The following CEP78 variants were observed in gnomAD, a reference collection of about 807,000 sequenced individuals.
CEP78 encodes the protein centrosomal protein of 78 kDa.
A neutral mutation model predicts 81.2 loss-of-function variants in CEP78; 76 were observed. That is an observed-to-expected ratio of 0.94 (90% CI 0.78 to 1.13). The LOEUF is 1.13. Among genes scored for constraint, CEP78 ranks in the 50% most tolerant of loss-of-function variants. The pLI, the probability that CEP78 is intolerant of heterozygous loss-of-function variation, is 0.00. For missense variants in CEP78, 918 were observed against 846.8 expected, an observed-to-expected ratio of 1.08 and a Z score of -1.04; for synonymous variants, 293 against 301.4, an observed-to-expected ratio of 0.97 and a Z score of 0.29.
chr9:78,256,789 A>G (rs553410068), intron 11 of CEP78, among the ~76,000 whole-genome samples: 1 of 152,278 alleles, frequency 6.6e-6, no homozygotes, highest in South Asian at 2.1e-4. Flanking sequence ...AAGAACAAAA[A>G]TACTTTAAGA....
intron 16 of CEP78, among the ~76,000 whole-genome samples, 173 bp from the exon 17 acceptor site, chr9:78,270,668 G>C (rs759163936): frequency 2.6e-5 from 4 of 152,158 alleles, no homozygotes; most frequent in Non-Finnish European, 5.9e-5. Flanking sequence ...CCAATAATGA[G>C]TTCGTCCAAT....
chr9:78,258,005 T>G (rs886333377), intron 11 of CEP78, among the ~76,000 whole-genome samples: 7 of 152,218 alleles, frequency 4.6e-5, no homozygotes, highest in Non-Finnish European at 7.3e-5. Context: ...GCAGTATTAA[T>G]TTAATCGTAG....
rs1254238774 is a variant in CEP78, at chr9:78,274,505, A to C, written c.*3654A>C. 1 of 152,218 alleles carries C rather than the reference A, an allele frequency of 6.6e-6. No individual in the cohort carries two copies. The highest frequency in any genetic ancestry group is 2.4e-5 in the African/African-American group (1 of 41,450). 9.4% of individuals were successfully genotyped at this position (152,218 alleles called of 1,614,324 possible). A position where few individuals can be genotyped will look rare whatever the true frequency, so the allele number is the denominator to read the frequency against. On this transcript the variant is annotated 3_prime_UTR_variant, in exon 17 of 17. Coordinates refer to ENST00000643273, the MANE Select transcript of CEP78 (RefSeq NM_001330691.3). ...TCTATAATAATATTAGAGCTTAAAA[A>C]ATTCATCCCTCTTGCCCATCAGTAG...
chr9:78,276,519 A>G lies in CEP78; in HGVS notation c.*5668A>G, dbSNP rs945045549. On this transcript the variant is annotated 3_prime_UTR_variant, in exon 17 of 17. Coordinates refer to ENST00000643273, the MANE Select transcript of CEP78 (RefSeq NM_001330691.3). ...ATATGGGGTCTTTTTTTTTTTGGAC[A>G]AAAAACCCCCTGTGATGATCTACTG... 1 of 151,604 alleles carries G rather than the reference A, an allele frequency of 6.6e-6. No homozygotes were observed. The highest frequency in any genetic ancestry group is 2.4e-5 in the African/African-American group (1 of 41,306). The allele number at this position is 151,604 out of a possible 1,614,324, so 9.4% of individuals were successfully genotyped here. A position where few individuals can be genotyped will look rare whatever the true frequency, so the allele number is the denominator to read the frequency against.
At chr9:78,267,152 GGTCT>G in intron 16 of CEP78, 2 of 792,096 alleles carry the variant, frequency 2.5e-6, no homozygotes, top group Non-Finnish European at 3.7e-6. Context: ...TGAAATTTTT[GGTCT>G]GTTTTTCCCT....
intron 11 of CEP78, 96 bp from the exon 12 acceptor site, chr9:78,262,811 T>A (rs2118444350): frequency 1.6e-6 from 1 of 629,058 alleles, no homozygotes; most frequent in Non-Finnish European, 2.7e-6. Flanking sequence ...CACTTCTGGC[T>A]CTGTCCCTAA....
At position 78,236,441 on chromosome 9, in the gene CEP78, C is replaced by A; in HGVS notation, c.91C>A (p.Leu31Met). 6.2e-7 allele frequency: 1 copy of A among 1,602,978 alleles called. No homozygotes were observed. The highest frequency in any genetic ancestry group is 8.5e-7 in the Non-Finnish European group (1 of 1,175,048). Residue 31 changes from leucine to methionine, a missense_variant, in exon 1 of 17, where the codon CTG (leucine) becomes ATG (methionine). By Grantham distance (15) the Leu-to-Met change is conservative. Transcript: ENST00000643273. ...GTGCGCGCTGCAGAACTCGGTGCCG[C>A]TGCCCGCCGTGCGCGCCTGTCTCCG... ...YLCALQNSVP[L>M]PAVRACLREG...
chr9:78,248,315 T>A lies in CEP78; in HGVS notation c.917T>A (p.Ile306Asn). Residue 306 changes from isoleucine (I) to asparagine (N), a missense_variant, in exon 7 of 17, where the codon ATC becomes AAC. Coordinates refer to ENST00000643273, the MANE Select transcript of CEP78 (RefSeq NM_001330691.3). ...LIDHSMMKAV[I>N]KKVLQNGRSA... Reference sequence around the variant, plus strand: ...GATCATTCTATGATGAAAGCAGTTATCAAAAAAGTCCTCCAGAATGGAAGG... The same window carrying A: ...GATCATTCTATGATGAAAGCAGTTAACAAAAAAGTCCTCCAGAATGGAAGG... 1 of 1,575,866 alleles carries A rather than the reference T, an allele frequency of 6.3e-7. No individual in the cohort carries two copies.
rs1827835292 is a variant in CEP78 at position 78,277,875 on chromosome 9, C to T, written c.*7024C>T. The stretch of plus-strand genomic sequence containing the variant: ...GTACATACCAATTTCTGACATATAA[C>T]ACTCTGCAGCAGATAAAGACAATAG... On this transcript the variant is annotated 3_prime_UTR_variant, in exon 17 of 17. Transcript: ENST00000643273. 6.6e-6 allele frequency: 1 copy of T among 152,168 alleles called. No homozygotes were observed. The highest frequency in any genetic ancestry group is 1.5e-5 in the Non-Finnish European group (1 of 68,026). 9.4% of individuals were successfully genotyped at this position (152,168 alleles called of 1,614,324 possible).
intron 11 of CEP78, among the ~76,000 whole-genome samples, chr9:78,260,706 CAAAAA>C (rs1204270796): frequency 1.9e-5 from 1 of 53,080 alleles, no homozygotes. Flanking sequence ...GACTCCATCT[CAAAAA>C]AAAAAAAAAA....
Position 78,262,984 on chromosome 9 carries a change from G to A in CEP78, c.1458G>A (p.Glu486=), listed in dbSNP as rs1393652577. 1 of 1,533,108 alleles carries A rather than the reference G, an allele frequency of 6.5e-7. No homozygotes were observed. Among genetic ancestry groups the A allele is most frequent in the South Asian group, 1.2e-5 (1 of 81,112 alleles). 95.0% of individuals were successfully genotyped at this position (1,533,108 alleles called of 1,614,324 possible). The change falls in exon 12 of 17, where the codon GAG becomes GAA. Residue 486 remains glutamate (E), a splice_region_variant and synonymous_variant. Transcript: ENST00000643273. ...TTAAGGTTGATAAACGAGTCAGTGA[G>A]GTAAATAAAAGTTTTCTTACCTTTT... ...IRLKVDKRVS[E]LEHENAQLRN...
intron 3 of CEP78, among the ~76,000 whole-genome samples, chr9:78,241,385 T>C (rs752639305): frequency 2.6e-4 from 39 of 152,346 alleles, no homozygotes; most frequent in Non-Finnish European, 5.3e-4. Flanking sequence ...AGTTTTATTT[T>C]TTTTATGTTT....
chr9:78,265,273 T>G (rs1827465247), intron 13 of CEP78, 99 bp from the exon 14 acceptor site: 1 of 983,734 alleles, frequency 1.0e-6, no homozygotes, highest in Non-Finnish European at 1.5e-6. Context: ...GTTTTAAGAT[T>G]TTAGAAGTAT....
chr9:78,265,330 C>G (rs750315934), intron 13 of CEP78, 42 bp from the exon 14 acceptor site: 1 of 1,496,418 alleles, frequency 6.7e-7, no homozygotes, highest in Non-Finnish European at 9.0e-7. Flanking sequence ...TTATGTGCTT[C>G]TAGTAATCCT....
intron 9 of CEP78, among the ~76,000 whole-genome samples, chr9:78,252,965 C>A (rs1354685993): frequency 6.6e-6 from 1 of 152,188 alleles, no homozygotes; most frequent in East Asian, 1.9e-4. Context: ...CAATTAATAT[C>A]ACCAGTTAAA....
At chr9:78,241,053 T>G (rs1342077656) in intron 3 of CEP78, among the ~76,000 whole-genome samples, 2 of 152,082 alleles carry the variant, frequency 1.3e-5, no homozygotes, top group African/African-American at 2.4e-5. Context: ...ATAGGAAATA[T>G]AAGCAAAGTG....
chr9:78,264,271 C>A lies in CEP78; in HGVS notation c.1580C>A (p.Ser527Tyr). 1 of 1,612,962 alleles carries A rather than the reference C, an allele frequency of 6.2e-7. No individual in the cohort carries two copies. The highest frequency in any genetic ancestry group is 2.2e-5 in the East Asian group (1 of 44,716). Residue 527 changes from serine to tyrosine, a missense_variant, in exon 13 of 17, where the codon TCT becomes TAT. By Grantham distance (144) the Ser-to-Tyr change is moderately radical (BLOSUM62 -2). Transcript: ENST00000643273. ...DEGVLGSIEN[S>Y]FQKFHAFLDL... is the part of the protein sequence containing the mutation. Reference sequence around the variant, plus strand: ...GGTGTTTTGGGCAGCATTGAGAATTCTTTTCAGAAGTTTCATGCTTTCTTG... The same window carrying A: ...GGTGTTTTGGGCAGCATTGAGAATTATTTTCAGAAGTTTCATGCTTTCTTG...
chr9:78,266,631 A>G lies in CEP78; in HGVS notation c.2035A>G (p.Thr679Ala), dbSNP rs759803883. ...CSPSPDATSG[T>A]GSQRKEEELS... is the part of the protein sequence containing the mutation. ...TCCTTCACCAGATGCGACTTCTGGA[A>G]CTGGAAGTCAAAGAAAAGAAGAGGA... Residue 679 changes from threonine (T) to alanine (A), a missense_variant, in exon 16 of 17, where the codon ACT becomes GCT. Transcript: ENST00000643273. 2 of 1,612,882 alleles carry G rather than the reference A, an allele frequency of 1.2e-6. No homozygotes were observed. Among genetic ancestry groups the G allele is most frequent in the South Asian group, 2.2e-5 (2 of 90,912 alleles).
At chr9:78,253,310 G>T (rs779638532) in intron 10 of CEP78, 33 bp downstream of exon 10, 5 of 955,212 alleles carry the variant, frequency 5.2e-6, no homozygotes, top group Admixed American at 1.9e-5. Flanking sequence ...ATATGTAGGG[G>T]ATTGGAATGG....
Sources: gnomAD v4.1 joint callset for allele counts (sites outside exome capture counted in the v4.1 genomes callset) on GRCh38, gnomAD v4.1.1 for gene constraint, MANE v1.5 for transcripts, NCBI Gene and HGNC (gene_info 2026-07-23, HGNC 2026-07-21) for gene names.